Variants in INKA2 observed in about 807,000 individuals in gnomAD.
The protein encoded by INKA2 is inka box actin regulator 2.
In INKA2, 3 loss-of-function variants were observed where a neutral mutation model predicts 9.8. That is an observed-to-expected ratio of 0.31 (90% CI 0.14 to 0.79). The LOEUF is 0.79. Ranked by LOEUF, INKA2 falls within the 30% of genes least tolerant of loss-of-function variation. INKA2 has a pLI of 0.62. For missense variants in INKA2, 392 were observed against 384.4 expected (o/e 1.02, Z -0.17); for synonymous variants, 147 against 143.3 (o/e 1.03, Z -0.18).
intron 1 of INKA2, chr1:111,754,738 A>G (rs1272022319): frequency 6.6e-6 from 1 of 152,214 alleles, no homozygotes; most frequent in East Asian, 1.9e-4. Flanking sequence ...TTGTTATAGG[A>G]GCTCAATCAT....
intron 1 of INKA2, chr1:111,745,287 A>ATT (rs1663243086): frequency 2.0e-5 from 1 of 50,048 alleles, no homozygotes; most frequent in Non-Finnish European, 3.7e-5. Context: ...ATATATATAT[A>ATT]TATATATTTT....
chr1:111,746,706 T>C (rs1663281095), intron 1 of INKA2: 1 of 152,218 alleles, frequency 6.6e-6, no homozygotes, highest in African/African-American at 2.4e-5. Flanking sequence ...TTGGAGGCTT[T>C]CCTTGTGTCA....
upstream of INKA2, among the ~76,000 whole-genome samples, chr1:111,742,718 T>A (rs887823209): frequency 6.6e-6 from 1 of 152,280 alleles, no homozygotes; most frequent in Non-Finnish European, 1.5e-5. Context: ...TAGAGAGAGA[T>A]AGCAAGAAAA....
rs1184555425 is a variant in INKA2 at position 111,728,070 on chromosome 1, C to CACAT, written c.58-267_58-266insATGT. On this transcript the variant is annotated intron_variant, in intron 1 of 1. Transcript: ENST00000357260. Reference sequence around the variant, plus strand: ...ACACACACACACACACACACACACACACAGACATTTCATCTCCCCAACTAC... The same window carrying CACAT: ...ACACACACACACACACACACACACACACATACAGACATTTCATCTCCCCAACTAC... 9.1e-3 allele frequency among the ~76,000 whole-genome samples: 1,348 copies of CACAT among 148,260 alleles called. 31 individuals carry two copies. The highest frequency in any genetic ancestry group is 0.014 in the Middle Eastern group (4 of 292).
At chr1:111,737,613 T>A (rs958771085) in intron 1 of INKA2, among the ~76,000 whole-genome samples, 2 of 152,232 alleles carry the variant, frequency 1.3e-5, no homozygotes, top group African/African-American at 4.8e-5. Flanking sequence ...ATTGTGTACG[T>A]GTGGGCTGGG....
chr1:111,752,375 A>G (rs1362879026), intron 1 of INKA2, among the ~76,000 whole-genome samples: 1 of 152,200 alleles, frequency 6.6e-6, no homozygotes, highest in African/African-American at 2.4e-5. Context: ...CACTTTATAC[A>G]GGAAATGAGG....
At position 111,739,205 on chromosome 1, in the gene INKA2, C is replaced by A. The variant is rs1188621345; in HGVS notation, c.38G>T (p.Arg13Leu). The A allele has an allele frequency of 1.2e-6, 2 of 1,613,568 alleles. No homozygotes were observed. The highest frequency in any genetic ancestry group is 8.5e-7 in the Non-Finnish European group (1 of 1,179,762). The change falls in exon 1 of 2, where the codon CGT becomes CTT. Residue 13 changes from arginine to leucine, a missense_variant. Coordinates refer to ENST00000357260, the MANE Select transcript of INKA2 (RefSeq NM_019099.5). The stretch of plus-strand genomic sequence containing the variant: ...TCTTACCAGCTCCTGTTTGAGGCGA[C>A]GGAGATAGCAGTCCATTTCCCTGCT... Reference protein sequence around the residue: ...MESREMDCYLRRLKQELMSMK... With the variant: ...MESREMDCYLLRLKQELMSMK...
chr1:111,752,233 CA>C (rs1424507685), intron 1 of INKA2, among the ~76,000 whole-genome samples: 1 of 152,172 alleles, frequency 6.6e-6, no homozygotes, highest in African/African-American at 2.4e-5. Context: ...TCTACAAGGG[CA>C]AAATGAACTT....
rs147765694 is a variant in INKA2 at position 111,726,252 on chromosome 1, G to A, written c.*716C>T. 3.6e-5 allele frequency: 14 copies of A among 389,750 alleles called. No individual in the cohort carries two copies. The highest frequency in any genetic ancestry group is 2.5e-4 in the African/African-American group (12 of 48,504). 24.1% of individuals were successfully genotyped at this position (389,750 alleles called of 1,614,324 possible). On this transcript the variant is annotated 3_prime_UTR_variant, in exon 2 of 2. Coordinates refer to ENST00000357260, the MANE Select transcript of INKA2 (RefSeq NM_019099.5). ...ATGGAGATGAAAAGGCATTCAAACA[G>A]CCCAGTGCTATGTCAACATCCTTCC...
intron 1 of INKA2, chr1:111,745,293 A>ATTTTTTTT (rs200702069): frequency 1.0e-4 from 5 of 49,270 alleles, no homozygotes; most frequent in Non-Finnish European, 1.5e-4. Flanking sequence ...ATATATATAT[A>ATTTTTTTT]TTTTTTTTTT....
intron 1 of INKA2, 54 bp from the exon 2 acceptor site, chr1:111,727,858 CT>C: frequency 6.4e-7 from 1 of 1,558,818 alleles, no homozygotes; most frequent in Non-Finnish European, 8.7e-7. Context: ...GCAGCAGTGC[CT>C]CTCCCAGCCC....
Position 111,727,111 on chromosome 1 carries a change from G to A in INKA2, c.751C>T (p.Arg251Trp), listed in dbSNP as rs746329340. 8.1e-6 allele frequency: 13 copies of A among 1,614,092 alleles called. No individual in the cohort carries two copies. Among genetic ancestry groups the A allele is most frequent in the Non-Finnish European group, 1.1e-5 (13 of 1,180,048 alleles). ...RTGRSQKVKK[R>W]SLSKGSGHFP... is the part of the protein sequence containing the mutation. ...TGTCCAGAGCCCTTGGAAAGGCTCCGCTTCTTGACCTTCTGTGAGCGGCCG... is the reference window on the plus strand; with the variant it reads ...TGTCCAGAGCCCTTGGAAAGGCTCCACTTCTTGACCTTCTGTGAGCGGCCG... Residue 251 changes from arginine (R) to tryptophan (W), a missense_variant, in exon 2 of 2, where the codon CGG becomes TGG. Arg to Trp is a moderately radical substitution (Grantham distance 101). Transcript: ENST00000357260.
At chr1:111,727,898 A>G in intron 1 of INKA2, 94 bp from the exon 2 acceptor site, 7 of 1,191,020 alleles carry the variant, frequency 5.9e-6, no homozygotes, top group East Asian at 2.3e-5. Flanking sequence ...CCAAACATAC[A>G]CTTCCAGGGT....
chr1:111,745,294 T>TATATA (rs372884823), intron 1 of INKA2: 523 of 35,390 alleles, frequency 0.015, 4 homozygotes, highest in African/African-American at 0.039. Context: ...TATATATATA[T>TATATA]TTTTTTTTTT....
chr1:111,729,144 G>C (rs1188394929), intron 1 of INKA2, among the ~76,000 whole-genome samples: 13 of 152,188 alleles, frequency 8.5e-5, no homozygotes, highest in South Asian at 4.1e-4. Context: ...GGCATTAGTG[G>C]AAAAGGAAGA....
In INKA2 at chr1:111,726,752, C is replaced by T; in HGVS notation, c.*216G>A. The T allele has an allele frequency of 1.7e-6, 1 of 602,420 alleles. No individual in the cohort carries two copies. The highest frequency in any genetic ancestry group is 3.0e-6 in the Non-Finnish European group (1 of 338,578). The allele number at this position is 602,420 out of a possible 1,614,324, so 37.3% of individuals were successfully genotyped here. A position where few individuals can be genotyped will look rare whatever the true frequency, so the allele number is the denominator to read the frequency against. ...ACACGCACAGCTCACTCTCCAGCTA[C>T]TCTTACCTCCTCCACCAGCTAGCCC... is the stretch of plus-strand genomic sequence containing the variant. On this transcript the variant is annotated 3_prime_UTR_variant, in exon 2 of 2. Coordinates refer to ENST00000357260, the MANE Select transcript of INKA2 (RefSeq NM_019099.5).
At position 111,727,788 on chromosome 1, in the gene INKA2, A is replaced by ACCT; in HGVS notation, c.71_73dup (p.Glu24dup). ...CATCTGATCCTGTAAGCCATCACCC[A>ACCT]CCTCCTTCATGGACATCTGCAGGGG... On this transcript the variant is annotated inframe_insertion, in exon 2 of 2. Transcript: ENST00000357260. 6.2e-7 allele frequency: 1 copy of ACCT among 1,606,138 alleles called. No individual in the cohort carries two copies. The highest frequency in any genetic ancestry group is 8.5e-7 in the Non-Finnish European group (1 of 1,179,922).
At chr1:111,734,755 T>C (rs1662978054) in intron 1 of INKA2, among the ~76,000 whole-genome samples, 1 of 152,254 alleles carries the variant, frequency 6.6e-6, no homozygotes, top group Non-Finnish European at 1.5e-5. Context: ...TCTTCTGCTG[T>C]GCGTGTCCCT....
Position 111,727,389 on chromosome 1 carries a change from C to G in INKA2, c.473G>C (p.Gly158Ala). ...RGRNRQPLVL[G>A]DNVFADLVGN... is the part of the protein sequence containing the mutation. The stretch of plus-strand genomic sequence containing the variant: ...CACCAGGTCTGCAAAAACGTTGTCC[C>G]CTAACACCAGAGGCTGTCGATTCCG... Residue 158 changes from glycine to alanine, a missense_variant, in exon 2 of 2, where the codon GGG becomes GCG. By Grantham distance (60) the Gly-to-Ala change is moderately conservative. Transcript: ENST00000357260. 2 of 1,613,966 alleles carry G rather than the reference C, an allele frequency of 1.2e-6. No individual in the cohort carries two copies. Among genetic ancestry groups the G allele is most frequent in the Non-Finnish European group, 1.7e-6 (2 of 1,179,966 alleles).
Sources: gnomAD v4.1 joint callset for allele counts (sites outside exome capture counted in the v4.1 genomes callset) on GRCh38, gnomAD v4.1.1 for gene constraint, MANE v1.5 for transcripts, NCBI Gene and HGNC (gene_info 2026-07-23, HGNC 2026-07-21) for gene names.